The following SYT5 variants were observed in gnomAD, a reference collection of about 807,000 sequenced individuals.
The protein encoded by SYT5 is synaptotagmin 5, also known as synaptotagmin-5.
SYT5 carries 29 observed loss-of-function variants against 36.0 expected under a neutral mutation model. The ratio of observed to expected loss-of-function variants is 0.81; its 90% CI spans 0.60 to 1.10. SYT5 has a LOEUF of 1.10. SYT5 is among the 50% of genes least tolerant of loss of function. SYT5 has a pLI of 0.00. For synonymous variants in SYT5, 231 were observed against 227.6 expected, an observed-to-expected ratio of 1.02 and a Z score of -0.14; for missense variants, 512 against 516.0, an observed-to-expected ratio of 0.99 and a Z score of 0.08.
chr19:55,174,301 C>T (rs79479232), intron 8 of SYT5, among the ~76,000 whole-genome samples: 10 of 58,380 alleles, frequency 1.7e-4, no homozygotes, highest in South Asian at 6.6e-4. Flanking sequence ...ACATCCCGGT[C>T]CCGCTTAGAG....
Position 55,176,087 on chromosome 19 carries a change from G to C in SYT5, c.290C>G (p.Ser97Cys), listed in dbSNP as rs1168697264. 1.2e-6 allele frequency: 2 copies of C among 1,614,188 alleles called. No homozygotes were observed. The highest frequency in any genetic ancestry group is 1.1e-5 in the South Asian group (1 of 91,088). The stretch of plus-strand genomic sequence containing the variant: ...GTCTGCCACCTGCTGCCCTGGCCCG[G>C]ATGGTGCTGGCTCCAGCTCCTCTAC... Reference protein sequence around the residue: ...PEVEELEPAPSGPGQQVADKH... With the variant: ...PEVEELEPAPCGPGQQVADKH... The change falls in exon 4 of 9, where the codon TCC (serine) becomes TGC (cysteine). Residue 97 changes from serine to cysteine, a missense_variant. Ser to Cys is a moderately radical substitution (Grantham distance 112). Transcript: ENST00000354308.
At position 55,174,559 on chromosome 19, in the gene SYT5, G is replaced by C. The variant is rs2086048981; in HGVS notation, c.918C>G (p.Tyr306Ter). 3 of 1,614,002 alleles carry C rather than the reference G, an allele frequency of 1.9e-6. No individual in the cohort carries two copies. The highest frequency in any genetic ancestry group is 1.6e-4 in the Middle Eastern group (1 of 6,082). Reference sequence around the variant, plus strand: ...GCACCTCGAAGCTGAAAGCTTCGTTGTAATAGGGGTTCAGAGTGTTCTTCT... The same window carrying C: ...GCACCTCGAAGCTGAAAGCTTCGTTCTAATAGGGGTTCAGAGTGTTCTTCT... ...TIKKNTLNPY[Y>*]NEAFSFEVPC... Residue 306 changes from tyrosine to a stop codon, truncating the protein, a stop_gained, in exon 8 of 9, where the codon TAC becomes TAG. Transcript: ENST00000354308. LOFTEE classifies it low-confidence loss of function (END_TRUNC).
chr19:55,172,464 AAAC>A lies in SYT5; in HGVS notation c.*1017_*1019del, dbSNP rs2147322654. On this transcript the variant is annotated 3_prime_UTR_variant, in exon 9 of 9. Transcript: ENST00000354308. Reference sequence around the variant, plus strand: ...ACAAAAAAACAAACAAACAAAAAAAAAACAAGAGAAAAAGAAAGAAAAGGAAAG... The same window carrying A: ...ACAAAAAAACAAACAAACAAAAAAAAAAGAGAAAAAGAAAGAAAAGGAAAG... 6.6e-6 allele frequency: 1 copy of A among 152,152 alleles called. No individual in the cohort carries two copies. Among genetic ancestry groups the A allele is most frequent in the South Asian group, 2.1e-4 (1 of 4,828 alleles). The allele number at this position is 152,152 out of a possible 1,614,324, so 9.4% of individuals were successfully genotyped here.
In SYT5 at chr19:55,173,867, C is replaced by T. The variant is rs1750308163; in HGVS notation, c.961-183G>A. 2 of 513,742 alleles carry T rather than the reference C, an allele frequency of 3.9e-6. No homozygotes were observed. The highest frequency in any genetic ancestry group is 7.0e-5 in the East Asian group (2 of 28,378). 31.8% of individuals were successfully genotyped at this position (513,742 alleles called of 1,614,324 possible). Reference sequence around the variant, plus strand: ...GACGGAGCCTGCGGCGAGGAGGAGGCTCTGGCGCCTTTCTTCCTGCGCAGC... The same window carrying T: ...GACGGAGCCTGCGGCGAGGAGGAGGTTCTGGCGCCTTTCTTCCTGCGCAGC... On this transcript the variant is annotated intron_variant, in intron 8 of 8. Coordinates refer to ENST00000354308, the MANE Select transcript of SYT5 (RefSeq NM_003180.3). The surrounding 1 kb of genome is among the most constrained non-coding windows in gnomAD (Gnocchi z 5.4).
intron 3 of SYT5, 127 bp from the exon 4 acceptor site, chr19:55,176,251 C>T (rs2086076165): frequency 1.6e-6 from 2 of 1,279,178 alleles, no homozygotes; most frequent in African/African-American, 1.5e-5. Flanking sequence ...TAAGCAGATT[C>T]AGTATTTGAC....
In SYT5 at chr19:55,173,421, C is replaced by G. The variant is rs1278556151; in HGVS notation, c.*63G>C. The G allele has an allele frequency of 2.3e-6, 3 of 1,283,814 alleles. No homozygotes were observed. The highest frequency in any genetic ancestry group is 3.2e-5 in the East Asian group (1 of 31,574). The allele number at this position is 1,283,814 out of a possible 1,614,324, so 79.5% of individuals were successfully genotyped here. A position where few individuals can be genotyped will look rare whatever the true frequency, so the allele number is the denominator to read the frequency against. The stretch of plus-strand genomic sequence containing the variant: ...AGGGTGGGGCTGGCTTGGCTTTGGC[C>G]GGTCTCGGGAGTCTGGGGTCAGGGG... On this transcript the variant is annotated 3_prime_UTR_variant, in exon 9 of 9. Coordinates refer to ENST00000354308, the MANE Select transcript of SYT5 (RefSeq NM_003180.3). This position sits in a 1 kb window ranked among gnomAD's most constrained non-coding sequence, Gnocchi z 5.4.
At chr19:55,178,500 G>A (rs1314040894) in intron 2 of SYT5, 132 bp from the exon 3 acceptor site, 4 of 1,131,042 alleles carry the variant, frequency 3.5e-6, no homozygotes, top group Non-Finnish European at 4.9e-6. Flanking sequence ...TTCTTCCTGT[G>A]TTTTTCTTCC....
chr19:55,173,800 G>A lies in SYT5; in HGVS notation c.961-116C>T. The A allele has an allele frequency of 1.7e-6, 2 of 1,159,938 alleles. No homozygotes were observed. Among genetic ancestry groups the A allele is most frequent in the Non-Finnish European group, 2.2e-6 (2 of 896,654 alleles). The allele number at this position is 1,159,938 out of a possible 1,614,324, so 71.9% of individuals were successfully genotyped here. On this transcript the variant is annotated intron_variant, in intron 8 of 8. Transcript: ENST00000354308. This position sits in a 1 kb window ranked among gnomAD's most constrained non-coding sequence, Gnocchi z 5.4. ...TCTCGCTGCCACCCGAGGGCTCGGG[G>A]CCCCGGAGCTCGGGACGGGGGAGGG...
rs2086139659 is a variant in SYT5, at chr19:55,180,232, C to CCGGGGCGGGGGAGCCG, written c.-177_-162dup. 1 of 152,324 alleles carries CCGGGGCGGGGGAGCCG rather than the reference C, an allele frequency of 6.6e-6. No homozygotes were observed. Among genetic ancestry groups the CCGGGGCGGGGGAGCCG allele is most frequent in the African/African-American group, 2.4e-5 (1 of 41,438 alleles). The allele number at this position is 152,324 out of a possible 1,614,324, so 9.4% of individuals were successfully genotyped here. On this transcript the variant is annotated 5_prime_UTR_variant, in exon 1 of 9. Transcript: ENST00000354308. ...TCCCGGGTGCTGATCGCGGAGCTCT[C>CCGGGGCGGGGGAGCCG]CGGGGCGGGGGAGCCGCGGAGCGGA...
At position 55,175,194 on chromosome 19, in the gene SYT5, A is replaced by C. The variant is rs1398572375; in HGVS notation, c.686T>G (p.Leu229Arg). The C allele has an allele frequency of 6.2e-7, 1 of 1,606,630 alleles. No individual in the cohort carries two copies. The highest frequency in any genetic ancestry group is 8.5e-7 in the Non-Finnish European group (1 of 1,177,196). ...CACCTCCTCCCGCGGAGCCGCCTGC[A>C]GCTCCCGCCAGGCCTGCACTGGCCG... ...LGRPVQAWRE[L>R]QAAPREEQEK... Residue 229 changes from leucine to arginine, a missense_variant, in exon 6 of 9, where the codon CTG becomes CGG. By Grantham distance (102) the Leu-to-Arg change is moderately radical. Transcript: ENST00000354308. The surrounding 1 kb of genome is among the most constrained non-coding windows in gnomAD (Gnocchi z 4.5).
At chr19:55,174,677 A>G in intron 7 of SYT5, 27 bp from the exon 8 acceptor site, 1 of 1,613,838 alleles carries the variant, frequency 6.2e-7, no homozygotes, top group Non-Finnish European at 8.5e-7. Context: ...GGAGTCTTAT[A>G]GCTCCCCACT....
chr19:55,178,888 C>T, intron 2 of SYT5, 75 bp downstream of exon 2: 5 of 1,376,500 alleles, frequency 3.6e-6, no homozygotes, highest in Non-Finnish European at 4.7e-6. Flanking sequence ...CGAGTACACC[C>T]GTCCGAATCC....
intron 8 of SYT5, chr19:55,174,033 G>A (rs2086037527): frequency 3.6e-6 from 1 of 274,570 alleles, no homozygotes; most frequent in African/African-American, 2.2e-5. Context: ...CGTCCCTAAA[G>A]AAGTGAGGGG....
chr19:55,178,536 C>G (rs1407545683), intron 2 of SYT5, among the ~76,000 whole-genome samples, 168 bp from the exon 3 acceptor site: 1 of 152,142 alleles, frequency 6.6e-6, no homozygotes, highest in African/African-American at 2.4e-5. Context: ...TAGAGAGATT[C>G]GATGCCCCAA....
Position 55,175,170 on chromosome 19 carries a change from A to AC in SYT5, c.708+1dup. 1 of 1,593,356 alleles carries AC rather than the reference A, an allele frequency of 6.3e-7. No individual in the cohort carries two copies. The highest frequency in any genetic ancestry group is 8.5e-7 in the Non-Finnish European group (1 of 1,172,684). The stretch of plus-strand genomic sequence containing the variant: ...GCTCGGGGCGCGACCGCGCATGCTC[A>AC]CCTCCTCCCGCGGAGCCGCCTGCAG... On this transcript the variant is annotated splice_donor_variant, in intron 6 of 8. Transcript: ENST00000354308. LOFTEE classifies it high-confidence loss of function. This position sits in a 1 kb window ranked among gnomAD's most constrained non-coding sequence, Gnocchi z 4.5.
Position 55,173,586 on chromosome 19 carries a change from G to A in SYT5, c.1059C>T (p.Gly353=). 2 of 1,478,378 alleles carry A rather than the reference G, an allele frequency of 1.4e-6. No homozygotes were observed. Among genetic ancestry groups the A allele is most frequent in the Non-Finnish European group, 1.8e-6 (2 of 1,115,634 alleles). 91.6% of individuals were successfully genotyped at this position (1,478,378 alleles called of 1,614,324 possible). ...VAVGAAAGGA[G]LRHWADMLAN... Reference sequence around the variant, plus strand: ...CCAGCATGTCCGCCCAGTGCCGCAGGCCAGCCCCGCCGGCGGCCGCCCCCA... The same window carrying A: ...CCAGCATGTCCGCCCAGTGCCGCAGACCAGCCCCGCCGGCGGCCGCCCCCA... Residue 353 remains glycine, a synonymous_variant, in exon 9 of 9, where the codon GGC becomes GGT. Transcript: ENST00000354308. The surrounding 1 kb of genome is among the most constrained non-coding windows in gnomAD (Gnocchi z 5.4).
Position 55,173,597 on chromosome 19 carries a change from CG to C in SYT5, c.1047del (p.Gly350AlafsTer31). 6.8e-7 allele frequency: 1 copy of C among 1,478,554 alleles called. No individual in the cohort carries two copies. The highest frequency in any genetic ancestry group is 2.5e-5 in the Admixed American group (1 of 39,784). 91.6% of individuals were successfully genotyped at this position (1,478,554 alleles called of 1,614,324 possible). A position where few individuals can be genotyped will look rare whatever the true frequency, so the allele number is the denominator to read the frequency against. Reference protein sequence around the residue: ...AIGRVAVGAAAGGAGLRHWAD... With the variant: ...AIGRVAVGAAXGGAGLRHWAD... The stretch of plus-strand genomic sequence containing the variant: ...GCCCAGTGCCGCAGGCCAGCCCCGC[CG>C]GCGGCCGCCCCCACGGCCACCCTCC... On this transcript the variant is annotated frameshift_variant, in exon 9 of 9. Coordinates refer to ENST00000354308, the MANE Select transcript of SYT5 (RefSeq NM_003180.3). LOFTEE classifies it high-confidence loss of function. This position sits in a 1 kb window ranked among gnomAD's most constrained non-coding sequence, Gnocchi z 5.4.
chr19:55,179,288 C>T lies in SYT5; in HGVS notation c.-45-202G>A, dbSNP rs745546224. On this transcript the variant is annotated intron_variant, in intron 1 of 8. Coordinates refer to ENST00000354308, the MANE Select transcript of SYT5 (RefSeq NM_003180.3). The surrounding 1 kb of genome is among the most constrained non-coding windows in gnomAD (Gnocchi z 4.5). ...TCCATCCTAAAGGGATACCCTCTTC[C>T]TCCACGGCCCCACAGGCATCCCGCT... 72 of 1,360,686 alleles carry T rather than the reference C, an allele frequency of 5.3e-5. No homozygotes were observed. Among genetic ancestry groups the T allele is most frequent in the Middle Eastern group, 3.8e-4 (2 of 5,246 alleles). The allele number at this position is 1,360,686 out of a possible 1,614,324, so 84.3% of individuals were successfully genotyped here.
In SYT5 at chr19:55,179,085, C is replaced by A. The variant is rs1401368814; in HGVS notation, c.-44G>T. The A allele has an allele frequency of 1.3e-6, 2 of 1,572,130 alleles. No homozygotes were observed. Among genetic ancestry groups the A allele is most frequent in the Admixed American group, 1.9e-5 (1 of 52,416 alleles). ...TCTTTTCTGCAGAGACACTCAAGCA[C>A]CCTAGTCCCCCATTCCCACCCCAGA... On this transcript the variant is annotated splice_region_variant and 5_prime_UTR_variant, in exon 2 of 9. Transcript: ENST00000354308. This position sits in a 1 kb window ranked among gnomAD's most constrained non-coding sequence, Gnocchi z 4.5.
Sources: allele counts gnomAD v4.1 joint callset (sites outside exome capture counted in the v4.1 genomes callset), GRCh38; gene constraint gnomAD v4.1.1; non-coding constraint Gnocchi (gnomAD v3.1); transcripts MANE v1.5; gene names NCBI Gene and HGNC (gene_info 2026-07-23, HGNC 2026-07-21).